The following LRRK2 variants were observed in gnomAD, a reference collection of about 807,000 sequenced individuals.
LRRK2 encodes leucine rich repeat kinase 2, also known as leucine-rich repeat serine/threonine-protein kinase 2.
A neutral mutation model predicts 302.6 loss-of-function variants in LRRK2; 203 were observed. The observed-to-expected ratio is 0.67, with a 90% CI of 0.60 to 0.75. The LOEUF (loss-of-function observed/expected upper bound fraction) is 0.75. LRRK2 is among the 30% of genes least tolerant of loss of function. LRRK2 has a pLI of 0.00. For synonymous variants in LRRK2, 1,066 were observed against 1,031.9 expected (o/e 1.03, Z -0.63); for missense variants, 2,830 against 2,951.0 (o/e 0.96, Z 0.95).
intron 40 of LRRK2, among the ~76,000 whole-genome samples, chr12:40,338,760 ATATACT>A (rs1945949491): frequency 6.6e-6 from 1 of 152,188 alleles, no homozygotes; most frequent in Admixed American, 6.5e-5. Flanking sequence ...TGTTCTATAA[ATATACT>A]TAAAGAGGCA....
In LRRK2 at chr12:40,225,117, G is replaced by C; in HGVS notation, c.-15G>C. 1 of 1,613,456 alleles carries C rather than the reference G, an allele frequency of 6.2e-7. No homozygotes were observed. Among genetic ancestry groups the C allele is most frequent in the Admixed American group, 1.7e-5 (1 of 60,034 alleles). ...TTCATGCTGGGAGGGCGGCGGGTTG[G>C]AAGCAGGTGCCACCATGGCTAGTGG... is the stretch of plus-strand genomic sequence containing the variant. On this transcript the variant is annotated 5_prime_UTR_variant, in exon 1 of 51. Coordinates refer to ENST00000298910, the MANE Select transcript of LRRK2 (RefSeq NM_198578.4).
intron 38 of LRRK2, among the ~76,000 whole-genome samples, chr12:40,325,061 G>C (rs1040482328): frequency 3.9e-5 from 6 of 152,162 alleles, no homozygotes; most frequent in African/African-American, 1.4e-4. Context: ...GCCGAGGTGG[G>C]TGTATCACGA....
chr12:40,334,962 T>G lies in LRRK2; in HGVS notation c.5758-5T>G, dbSNP rs4326870. 6.2e-7 allele frequency: 1 copy of G among 1,613,802 alleles called. No homozygotes were observed. Among genetic ancestry groups the G allele is most frequent in the Non-Finnish European group, 8.5e-7 (1 of 1,179,954 alleles). The stretch of plus-strand genomic sequence containing the variant: ...TTACTCTTACATGATTTTGGACTTT[T>G]GCAGGAGCTTGTGGTGCTTTGCCAC... On this transcript the variant is annotated splice_region_variant and splice_polypyrimidine_tract_variant and intron_variant, in intron 39 of 50. Transcript: ENST00000298910.
At chr12:40,280,817 A>G (rs1352600003) in intron 18 of LRRK2, among the ~76,000 whole-genome samples, 1 of 151,784 alleles carries the variant, frequency 6.6e-6, no homozygotes, top group Admixed American at 6.6e-5. Context: ...CTGTAATCCC[A>G]GCACTTTGGG....
At chr12:40,248,854 A>G (rs1942128645) in intron 7 of LRRK2, among the ~76,000 whole-genome samples, 1 of 152,176 alleles carries the variant, frequency 6.6e-6, no homozygotes, top group South Asian at 2.1e-4. Context: ...TGGTAAAAGT[A>G]GAAGAAAATC....
intron 35 of LRRK2, among the ~76,000 whole-genome samples, chr12:40,321,756 G>A (rs1202325816): frequency 6.6e-6 from 1 of 151,950 alleles, no homozygotes; most frequent in East Asian, 1.9e-4. Context: ...AAAATTATGA[G>A]GATTTATTTA....
intron 47 of LRRK2, among the ~76,000 whole-genome samples, chr12:40,362,074 A>T (rs1369624086): frequency 2.0e-5 from 3 of 152,036 alleles, no homozygotes; most frequent in African/African-American, 7.2e-5. Flanking sequence ...ATCATATTTT[A>T]TGTTTTTTTA....
Position 40,257,248 on chromosome 12 carries a change from T to C in LRRK2, c.1289T>C (p.Val430Ala). The change falls in exon 12 of 51, where the codon GTT (valine) becomes GCT (alanine). Residue 430 changes from valine (V) to alanine (A), a missense_variant and splice_region_variant. Around this residue, in one of 3 missense-constraint regions of LRRK2, gnomAD observed 2,121 missense variants for 2,148.0 expected, o/e 0.99. Transcript: ENST00000298910. ...TAAGTAACATTTTAAAAAATCTCAG[T>C]TAATTTCAGAAAAATACTGTTATCA... ...NALSTLLEQN[V>A]NFRKILLSKG... The C allele has an allele frequency of 6.4e-6, 10 of 1,552,450 alleles. No homozygotes were observed. The highest frequency in any genetic ancestry group is 8.9e-6 in the Non-Finnish European group (10 of 1,124,740).
intron 20 of LRRK2, among the ~76,000 whole-genome samples, chr12:40,288,821 G>A (rs1944031112): frequency 6.6e-6 from 1 of 151,738 alleles, no homozygotes; most frequent in Admixed American, 6.6e-5. Context: ...AGTTGTGACA[G>A]GTATATGTAT....
Position 40,237,971 on chromosome 12 carries a change from A to C in LRRK2, c.439A>C (p.Lys147Gln). Residue 147 changes from lysine to glutamine, a missense_variant and splice_region_variant, in exon 5 of 51, where the codon AAA (lysine) becomes CAA (glutamine). Coordinates refer to ENST00000298910, the MANE Select transcript of LRRK2 (RefSeq NM_198578.4). ...GCATATTATTCTCTTTAAAATAGGT[A>C]AAATCACCTTGCTGATATTGGATGA... ...KTLDLLLTSG[K>Q]ITLLILDEES... 1 of 1,610,870 alleles carries C rather than the reference A, an allele frequency of 6.2e-7. No homozygotes were observed. Among genetic ancestry groups the C allele is most frequent in the Non-Finnish European group, 8.5e-7 (1 of 1,178,038 alleles).
chr12:40,361,802 A>C (rs1369413058), intron 47 of LRRK2, among the ~76,000 whole-genome samples: 1 of 152,046 alleles, frequency 6.6e-6, no homozygotes, highest in Admixed American at 6.6e-5. Context: ...TCTACCCCAC[A>C]AAACAGACAT....
chr12:40,304,698 G>A (rs1419436297), intron 27 of LRRK2: 1 of 152,060 alleles, frequency 6.6e-6, no homozygotes, highest in Admixed American at 6.6e-5. Flanking sequence ...CTATGGAATA[G>A]TAGTGGATGT....
chr12:40,269,230 C>T (rs957473019), intron 14 of LRRK2, among the ~76,000 whole-genome samples: 5 of 152,086 alleles, frequency 3.3e-5, no homozygotes, highest in African/African-American at 7.2e-5. Flanking sequence ...TGGCATGATT[C>T]GTAATTAAAA....
intron 44 of LRRK2, among the ~76,000 whole-genome samples, chr12:40,353,129 G>A (rs1285241647): frequency 6.6e-5 from 10 of 151,682 alleles, no homozygotes; most frequent in East Asian, 2.0e-4. Flanking sequence ...CAGCGGAGAC[G>A]CTCCTCACTT....
chr12:40,294,938 A>T, intron 22 of LRRK2, 24 bp downstream of exon 22: 1 of 1,365,600 alleles, frequency 7.3e-7, no homozygotes, highest in African/African-American at 1.4e-5. Context: ...TGTAATCATA[A>T]GTAAATAGAT....
chr12:40,348,568 T>C, intron 43 of LRRK2, 59 bp downstream of exon 43: 1 of 1,024,386 alleles, frequency 9.8e-7, no homozygotes, highest in Non-Finnish European at 1.5e-6. Flanking sequence ...TATGCATATA[T>C]ATATAATCTT....
intron 18 of LRRK2, among the ~76,000 whole-genome samples, chr12:40,282,830 T>A (rs1240752709): frequency 6.6e-6 from 1 of 152,228 alleles, no homozygotes. Context: ...ATCTTTTTCC[T>A]CTGAGTTGGT....
intron 6 of LRRK2, among the ~76,000 whole-genome samples, chr12:40,241,014 T>C (rs1364493848): frequency 6.6e-6 from 1 of 152,158 alleles, no homozygotes; most frequent in Non-Finnish European, 1.5e-5. Flanking sequence ...CATGAAGGTG[T>C]GACCTGAAGT....
chr12:40,305,894 A>G lies in LRRK2; in HGVS notation c.3887A>G (p.Asp1296Gly). 6.2e-7 allele frequency: 1 copy of G among 1,613,498 alleles called. No homozygotes were observed. Among genetic ancestry groups the G allele is most frequent in the Non-Finnish European group, 8.5e-7 (1 of 1,179,606 alleles). ...ATGGGGAAATTAAGCAAAATATGGG[A>G]TCTTCCTTTGGATGAACTGCATCTT... ...NEMGKLSKIW[D>G]LPLDELHLNF... The change falls in exon 28 of 51, where the codon GAT becomes GGT. Residue 1296 changes from aspartate to glycine, a missense_variant. This residue lies in a region of LRRK2 where 2,121 missense variants were observed against 2,148.0 expected (regional missense o/e 0.99). Transcript: ENST00000298910.
Sources: allele counts gnomAD v4.1 joint callset (sites outside exome capture counted in the v4.1 genomes callset), GRCh38; gene constraint gnomAD v4.1.1; regional missense constraint gnomAD v4.1.1; transcripts MANE v1.5; gene names NCBI Gene and HGNC (gene_info 2026-07-23, HGNC 2026-07-21).